ADH1C: variants seen among roughly 807,000 people sequenced by gnomAD.
The protein encoded by ADH1C is alcohol dehydrogenase 1C (class I), gamma polypeptide.
ADH1C carries 26 observed loss-of-function variants against 35.0 expected under a neutral mutation model. That is an observed-to-expected ratio of 0.74 (90% CI 0.54 to 1.03). The LOEUF (loss-of-function observed/expected upper bound fraction) is 1.03, where lower values mean the gene tolerates loss of function less well. Ranked by LOEUF, ADH1C falls within the 50% of genes least tolerant of loss-of-function variation. The pLI is 0.00. For missense variants in ADH1C, 413 were observed against 465.4 expected (o/e 0.89, Z 1.04); for synonymous variants, 170 against 169.3 (o/e 1.00, Z -0.03).
chr4:99,345,395 A>C, intron 3 of ADH1C, 129 bp from the exon 4 acceptor site: 2 of 987,156 alleles, frequency 2.0e-6, no homozygotes, highest in Non-Finnish European at 3.0e-6. Flanking sequence ...GTCTAGTCAC[A>C]ACTATGTCAT....
rs1560537982 is a variant in ADH1C at position 99,345,083 on chromosome 4, T to G, written c.348-2A>C. ...AGGGTCCCCCGAGGATTGCCTAGACTGGGCAGTGCAATACAAAGACACACA... is the reference window on the plus strand; with the variant it reads ...AGGGTCCCCCGAGGATTGCCTAGACGGGGCAGTGCAATACAAAGACACACA... On this transcript the variant is annotated splice_acceptor_variant, in intron 4 of 8. Transcript: ENST00000515683. LOFTEE classifies it high-confidence loss of function. 2 of 1,614,052 alleles carry G rather than the reference T, an allele frequency of 1.2e-6. No individual in the cohort carries two copies. Among genetic ancestry groups the G allele is most frequent in the Non-Finnish European group, 1.7e-6 (2 of 1,180,028 alleles).
chr4:99,345,347 A>T (rs1308881937), intron 3 of ADH1C, 81 bp from the exon 4 acceptor site: 2 of 1,339,208 alleles, frequency 1.5e-6, no homozygotes, highest in Non-Finnish European at 2.1e-6. Context: ...ACATGTATAG[A>T]TTAGAATTAT....
At position 99,339,587 on chromosome 4, in the gene ADH1C, A is replaced by G. The variant is rs1349448514; in HGVS notation, c.1093T>C (p.Ser365Pro). ...KINEGFDLLR[S>P]GKSIRTVLTF ...CAACTTAAAATCTACCTCTTTCCAGAGCGAAGCAGGTCAAATCCTTCATTT... is the reference window on the plus strand; with the variant it reads ...CAACTTAAAATCTACCTCTTTCCAGGGCGAAGCAGGTCAAATCCTTCATTT... Residue 365 changes from serine (S) to proline (P), a missense_variant, in exon 8 of 9, where the codon TCT becomes CCT. Ser to Pro is a moderately conservative substitution (Grantham distance 74). Coordinates refer to ENST00000515683, the MANE Select transcript of ADH1C (RefSeq NM_000669.5). 6.3e-7 allele frequency: 1 copy of G among 1,584,272 alleles called. No individual in the cohort carries two copies. Among genetic ancestry groups the G allele is most frequent in the East Asian group, 2.2e-5 (1 of 44,556 alleles).
rs1356039784 is a variant in ADH1C at position 99,340,722 on chromosome 4, T to G, written c.829-12A>C. 3.7e-6 allele frequency: 6 copies of G among 1,612,254 alleles called. No individual in the cohort carries two copies. The highest frequency in any genetic ancestry group is 5.1e-6 in the Non-Finnish European group (6 of 1,179,950). ...AACAGGGAAGCCATCTGGAATAAAG[T>G]GAACATTTAGTATCCTTAACGTGGA... On this transcript the variant is annotated splice_polypyrimidine_tract_variant and intron_variant, in intron 6 of 8. Coordinates refer to ENST00000515683, the MANE Select transcript of ADH1C (RefSeq NM_000669.5).
At chr4:99,341,002 G>A (rs1734402952) in intron 6 of ADH1C, among the ~76,000 whole-genome samples, 1 of 152,212 alleles carries the variant, frequency 6.6e-6, no homozygotes, top group Non-Finnish European at 1.5e-5. Context: ...ATAAAGTCCT[G>A]TTCCTTGTAC....
chr4:99,346,642 T>C (rs920821803), intron 3 of ADH1C, among the ~76,000 whole-genome samples: 1 of 152,092 alleles, frequency 6.6e-6, no homozygotes, highest in Non-Finnish European at 1.5e-5. Flanking sequence ...CTCCCATTTA[T>C]AGTTTTTTGG....
intron 8 of ADH1C, among the ~76,000 whole-genome samples, chr4:99,338,938 G>C (rs1276460931): frequency 6.6e-6 from 1 of 151,844 alleles, no homozygotes; most frequent in Non-Finnish European, 1.5e-5. Context: ...AGTGTTAGAG[G>C]TAGGAAATAG....
At chr4:99,351,316 T>C (rs963187343) in intron 1 of ADH1C, among the ~76,000 whole-genome samples, 2 of 152,204 alleles carry the variant, frequency 1.3e-5, no homozygotes, top group African/African-American at 4.8e-5. Context: ...TTCTCACAAC[T>C]ACCTTATGAA....
intron 6 of ADH1C, 106 bp from the exon 7 acceptor site, chr4:99,340,816 G>A: frequency 2.0e-6 from 3 of 1,504,024 alleles, no homozygotes; most frequent in Non-Finnish European, 2.7e-6. Context: ...AGTGTGTAGA[G>A]GGAAGAGATC....
rs369178099 is a variant in ADH1C at position 99,345,250 on chromosome 4, C to T, written c.276G>A (p.Pro92=). 5.5e-5 allele frequency: 89 copies of T among 1,613,636 alleles called. No homozygotes were observed. Among genetic ancestry groups the T allele is most frequent in the Non-Finnish European group, 6.8e-5 (80 of 1,179,782 alleles). Residue 92 remains proline, a synonymous_variant, in exon 4 of 9, where the codon CCG becomes CCA. Coordinates refer to ENST00000515683, the MANE Select transcript of ADH1C (RefSeq NM_000669.5). The part of the protein sequence containing the change: ...TTVKPGDKVI[P]LFTPQCGKCR... Reference sequence around the variant, plus strand: ...ATTTTCCACACTGAGGAGTAAAGAGCGGGATGACTTTATCACCTGCAGAGG... The same window carrying T: ...ATTTTCCACACTGAGGAGTAAAGAGTGGGATGACTTTATCACCTGCAGAGG...
chr4:99,349,715 G>T (rs1429403280), intron 1 of ADH1C, among the ~76,000 whole-genome samples: 1 of 151,910 alleles, frequency 6.6e-6, no homozygotes, highest in Non-Finnish European at 1.5e-5. Flanking sequence ...AGCCTGTTTT[G>T]TTCATCTAAT....
chr4:99,337,035 A>G (rs1463527872), intron 8 of ADH1C, among the ~76,000 whole-genome samples: 3 of 152,200 alleles, frequency 2.0e-5, no homozygotes, highest in Non-Finnish European at 4.4e-5. Flanking sequence ...GATCTACATT[A>G]GCATCTTCAA....
At chr4:99,347,886 A>G in intron 1 of ADH1C, 40 bp from the exon 2 acceptor site, 1 of 1,608,560 alleles carries the variant, frequency 6.2e-7, no homozygotes, top group South Asian at 1.1e-5. Context: ...GTGTTTTCCC[A>G]CGCTTGCAGT....
chr4:99,344,773 A>T (rs35733876), intron 5 of ADH1C, 89 bp downstream of exon 5: 4 of 1,539,752 alleles, frequency 2.6e-6, no homozygotes, highest in Non-Finnish European at 3.6e-6. Context: ...ATCTACAAAA[A>T]TAATTTCTGA....
chr4:99,348,640 C>G (rs901225757), intron 1 of ADH1C, among the ~76,000 whole-genome samples: 1 of 150,278 alleles, frequency 6.7e-6, no homozygotes, highest in African/African-American at 2.4e-5. Context: ...GGGTATATAC[C>G]CAGTAATGGG....
chr4:99,345,861 C>A (rs528290596), intron 3 of ADH1C, among the ~76,000 whole-genome samples: 1 of 152,076 alleles, frequency 6.6e-6, no homozygotes, highest in Non-Finnish European at 1.5e-5. Context: ...TACAGAAATT[C>A]GTCTGAAAAT....
Position 99,352,687 on chromosome 4 carries a change from C to T in ADH1C, c.-12G>A. 6.2e-7 allele frequency: 1 copy of T among 1,612,914 alleles called. No homozygotes were observed. The highest frequency in any genetic ancestry group is 1.1e-5 in the South Asian group (1 of 90,968). Reference sequence around the variant, plus strand: ...CCTGCTGTGCTCATATTGATTCTGTCTTCTCTGCAGACCAGGAGGCTGGTG... The same window carrying T: ...CCTGCTGTGCTCATATTGATTCTGTTTTCTCTGCAGACCAGGAGGCTGGTG... On this transcript the variant is annotated 5_prime_UTR_variant, in exon 1 of 9. Transcript: ENST00000515683.
intron 5 of ADH1C, among the ~76,000 whole-genome samples, chr4:99,344,394 G>C (rs555438329): frequency 6.6e-6 from 1 of 152,130 alleles, no homozygotes; most frequent in Non-Finnish European, 1.5e-5. Context: ...CCTTGGTTTC[G>C]AGGTGCATCA....
chr4:99,351,923 A>C (rs1734687730), intron 1 of ADH1C, among the ~76,000 whole-genome samples: 1 of 152,210 alleles, frequency 6.6e-6, no homozygotes, highest in Non-Finnish European at 1.5e-5. Context: ...AGAAAAAACA[A>C]ATATTTGTGT....
Sources: allele counts gnomAD v4.1 joint callset (sites outside exome capture counted in the v4.1 genomes callset), GRCh38; gene constraint gnomAD v4.1.1; transcripts MANE v1.5; gene names NCBI Gene and HGNC (gene_info 2026-07-23, HGNC 2026-07-21).